SLC33A2: variants seen among roughly 807,000 people sequenced by gnomAD.
SLC33A2 encodes major facilitator superfamily domain containing 3.
chr8:144,510,789 C>T, the SLC33A2 span: 2 of 1,611,342 alleles, frequency 1.2e-6, no homozygotes, highest in East Asian at 2.2e-5. Flanking sequence ...CTTCTGCCCT[C>T]CCAGGGTCAG....
chr8:144,511,160 TCTGAG>T, the SLC33A2 span: 1 of 1,609,452 alleles, frequency 6.2e-7, no homozygotes, highest in Non-Finnish European at 8.5e-7. Flanking sequence ...AGCACCTTTC[TCTGAG>T]CTGAGTGGCT....
At chr8:144,511,147 C>T in the SLC33A2 span, 4 of 1,610,130 alleles carry the variant, frequency 2.5e-6, no homozygotes, top group Admixed American at 3.3e-5. Context: ...GGACCTAGCA[C>T]CCAGCACCTT....
chr8:144,509,705 G>A, the SLC33A2 span: 2 of 1,566,988 alleles, frequency 1.3e-6, no homozygotes, highest in South Asian at 2.3e-5. Flanking sequence ...CGCTGGCTGT[G>A]CAGCTGCTGG....
the SLC33A2 span, chr8:144,509,973 G>C: frequency 1.9e-6 from 3 of 1,596,264 alleles, no homozygotes; most frequent in South Asian, 3.3e-5. Context: ...AGCCGTGCCG[G>C]GGACCGTGTG....
At chr8:144,509,909 G>A in the SLC33A2 span, 2 of 1,558,510 alleles carry the variant, frequency 1.3e-6, no homozygotes, top group South Asian at 1.2e-5. Flanking sequence ...GGCTCCCACA[G>A]CAGCCCCCTT....
At chr8:144,511,078 G>T in the SLC33A2 span, 2 of 1,608,670 alleles carry the variant, frequency 1.2e-6, no homozygotes. Context: ...TGATGGGTTG[G>T]GGCCACATCC....
At chr8:144,510,894 G>A in the SLC33A2 span, 2 of 1,605,858 alleles carry the variant, frequency 1.2e-6, no homozygotes, top group African/African-American at 2.7e-5. Flanking sequence ...TGGCCCCCAG[G>A]GCCCTGCAGG....
the SLC33A2 span, chr8:144,510,954 T>C: frequency 1.9e-6 from 3 of 1,599,476 alleles, no homozygotes; most frequent in African/African-American, 4.0e-5. Flanking sequence ...TGGGGCTGTG[T>C]GGGCCTGACC....
the SLC33A2 span, chr8:144,509,773 C>T: frequency 2.6e-6 from 4 of 1,557,734 alleles, no homozygotes; most frequent in Non-Finnish European, 3.5e-6. Context: ...AAGCTGGGGG[C>T]CGCGCTAGCT....
At chr8:144,510,989 A>G in the SLC33A2 span, 3 of 1,600,444 alleles carry the variant, frequency 1.9e-6, no homozygotes, top group Non-Finnish European at 2.5e-6. Flanking sequence ...CACCCCCCTC[A>G]GGCCACACAC....
At chr8:144,510,386 C>T in the SLC33A2 span, 3 of 1,612,614 alleles carry the variant, frequency 1.9e-6, no homozygotes, top group Middle Eastern at 1.7e-4. Context: ...CAGCCTGTTT[C>T]CTCTTCTCCT....
chr8:144,509,988 G>A, the SLC33A2 span: 5 of 1,595,930 alleles, frequency 3.1e-6, no homozygotes, highest in Admixed American at 5.0e-5. Context: ...CGTGTGGACG[G>A]CAGGCTTTGT....
the SLC33A2 span, chr8:144,509,148 G>A: frequency 5.2e-5 from 29 of 555,362 alleles, no homozygotes; most frequent in African/African-American, 4.0e-4. Flanking sequence ...GTTCTTCTGG[G>A]GTGTTGATGC....
At chr8:144,511,167 T>A in the SLC33A2 span, 1 of 1,608,408 alleles carries the variant, frequency 6.2e-7, no homozygotes, top group South Asian at 1.1e-5. Flanking sequence ...TTCTCTGAGC[T>A]GAGTGGCTGG....
chr8:144,509,993 C>A, the SLC33A2 span: 2 of 1,596,066 alleles, frequency 1.3e-6, no homozygotes, highest in Non-Finnish European at 1.7e-6. Context: ...GGACGGCAGG[C>A]TTTGTGCTCA....
chr8:144,510,825 C>G, the SLC33A2 span: 11 of 1,611,180 alleles, frequency 6.8e-6, no homozygotes, highest in Non-Finnish European at 9.3e-6. Flanking sequence ...GTCTGCAGCA[C>G]TTCTTGGGAG....
chr8:144,510,520 C>T, the SLC33A2 span: 1 of 1,612,448 alleles, frequency 6.2e-7, no homozygotes, highest in Non-Finnish European at 8.5e-7. Context: ...GAGCCCTCCC[C>T]AGTGTACCCT....
the SLC33A2 span, chr8:144,510,156 C>G: frequency 1.6e-6 from 2 of 1,289,976 alleles, no homozygotes; most frequent in African/African-American, 1.5e-5. Context: ...ACATCCGGGG[C>G]TCTGCAGCTG....
chr8:144,510,134 G>A, the SLC33A2 span: 10 of 1,351,600 alleles, frequency 7.4e-6, no homozygotes, highest in Non-Finnish European at 1.0e-5. Flanking sequence ...TGACCTGCAA[G>A]ACTTGGCCCT....
Sources: allele counts gnomAD v4.1 joint callset, GRCh38; gene constraint gnomAD v4.1.1; transcripts MANE v1.5; gene names NCBI Gene and HGNC (gene_info 2026-07-23, HGNC 2026-07-21).